GRIN2A: variants seen among roughly 807,000 people sequenced by gnomAD.
GRIN2A encodes the protein glutamate ionotropic receptor NMDA type subunit 2A.
Under a neutral mutation model 113.4 loss-of-function variants are expected in GRIN2A, and 22 were observed. That is an observed-to-expected ratio of 0.19 (90% CI 0.14 to 0.28). The LOEUF (loss-of-function observed/expected upper bound fraction) is 0.28, where lower values mean the gene tolerates loss of function less well. Ranked by LOEUF, GRIN2A falls within the 10% of genes least tolerant of loss-of-function variation. The pLI is 1.00. For missense variants in GRIN2A, 1,502 were observed against 1,887.0 expected (o/e 0.80, Z 3.78); for synonymous variants, 827 against 738.4 (o/e 1.12, Z -1.94).
chr16:10,014,144 G>A (rs2046560298), intron 2 of GRIN2A, among the ~76,000 whole-genome samples: 1 of 152,228 alleles, frequency 6.6e-6, no homozygotes, highest in South Asian at 2.1e-4. Context: ...GGTGAGTTGT[G>A]AGTGAATGTG....
chr16:9,874,067 T>C (rs567014309), intron 4 of GRIN2A, among the ~76,000 whole-genome samples: 13 of 152,226 alleles, frequency 8.5e-5, no homozygotes, highest in Non-Finnish European at 1.9e-4. Flanking sequence ...TAGATTTTTT[T>C]CTCATGGGCA....
At position 9,760,374 on chromosome 16, in the gene GRIN2A, A is replaced by ATTTTTTTTTTTTTTTTTTTTTTTTTTTTT. The variant is rs35189803; in HGVS notation, c.*2774_*2775insAAAAAAAAAAAAAAAAAAAAAAAAAAAAA. The ATTTTTTTTTTTTTTTTTTTTTTTTTTTTT allele has an allele frequency of 2.2e-5, 2 of 89,550 alleles. No individual in the cohort carries two copies. Among genetic ancestry groups the ATTTTTTTTTTTTTTTTTTTTTTTTTTTTT allele is most frequent in the Admixed American group, 1.9e-4 (1 of 5,300 alleles). The allele number at this position is 89,550 out of a possible 1,614,324, so 5.5% of individuals were successfully genotyped here. A position where few individuals can be genotyped will look rare whatever the true frequency, so the allele number is the denominator to read the frequency against. ...AAATTGACCATCTGATCAGTAGTTG[A>ATTTTTTTTTTTTTTTTTTTTTTTTTTTTT]TTTTTTTTTTTTTTTTTTTTTTTTG... On this transcript the variant is annotated 3_prime_UTR_variant, in exon 13 of 13. Transcript: ENST00000330684.
At chr16:9,935,356 T>C (rs545140582) in intron 3 of GRIN2A, among the ~76,000 whole-genome samples, 9 of 152,248 alleles carry the variant, frequency 5.9e-5, no homozygotes, top group Admixed American at 5.9e-4. Flanking sequence ...ATCTGGACAA[T>C]TATTTAAAAT....
intron 10 of GRIN2A, among the ~76,000 whole-genome samples, chr16:9,807,244 GA>G (rs2041990735): frequency 1.9e-5 from 1 of 53,460 alleles, no homozygotes; most frequent in Non-Finnish European, 3.9e-5. Flanking sequence ...GGGAGAGAGG[GA>G]GGGAGGGGAG....
intron 2 of GRIN2A, among the ~76,000 whole-genome samples, chr16:10,074,107 C>A (rs2047820301): frequency 6.6e-6 from 1 of 152,100 alleles, no homozygotes; most frequent in Non-Finnish European, 1.5e-5. Flanking sequence ...TACAAACAGC[C>A]ACTAAGCACA....
chr16:9,837,804 C>G (rs1208245862), intron 7 of GRIN2A, among the ~76,000 whole-genome samples: 1 of 152,170 alleles, frequency 6.6e-6, no homozygotes, highest in Admixed American at 6.5e-5. Flanking sequence ...ATACGAGTAT[C>G]TGAATCCATG....
intron 4 of GRIN2A, among the ~76,000 whole-genome samples, chr16:9,887,141 C>A (rs1311557444): frequency 6.6e-6 from 1 of 152,138 alleles, no homozygotes; most frequent in Admixed American, 6.5e-5. Context: ...ACTGCCTTGG[C>A]CTCCCAAAGT....
At chr16:10,005,262 T>A (rs1246714354) in intron 2 of GRIN2A, among the ~76,000 whole-genome samples, 1 of 152,222 alleles carries the variant, frequency 6.6e-6, no homozygotes, top group African/African-American at 2.4e-5. Flanking sequence ...GATTTAGATA[T>A]CAGAAGCTAC....
chr16:10,139,790 C>T (rs773948189), intron 2 of GRIN2A, among the ~76,000 whole-genome samples: 1 of 152,120 alleles, frequency 6.6e-6, no homozygotes, highest in Non-Finnish European at 1.5e-5. Context: ...GTATCAGGTG[C>T]AGCAAATTCA....
chr16:10,028,191 T>C (rs1371339139), intron 2 of GRIN2A, among the ~76,000 whole-genome samples: 2 of 152,220 alleles, frequency 1.3e-5, no homozygotes, highest in Non-Finnish European at 2.9e-5. Flanking sequence ...GCAGGAACTG[T>C]GATTGTGCCC....
At chr16:10,069,994 C>T (rs556945740) in intron 2 of GRIN2A, among the ~76,000 whole-genome samples, 28 of 152,278 alleles carry the variant, frequency 1.8e-4, no homozygotes, top group South Asian at 2.1e-4. Flanking sequence ...CTTGCCTATC[C>T]ACCCCTCCCT....
intron 2 of GRIN2A, among the ~76,000 whole-genome samples, chr16:10,033,206 A>G (rs1488555789): frequency 6.6e-6 from 1 of 152,248 alleles, no homozygotes; most frequent in Non-Finnish European, 1.5e-5. Context: ...GGAACTCTGC[A>G]GTGAGCAGAG....
chr16:10,094,335 G>T (rs1179283504), intron 2 of GRIN2A, among the ~76,000 whole-genome samples: 1 of 152,182 alleles, frequency 6.6e-6, no homozygotes, highest in Non-Finnish European at 1.5e-5. Flanking sequence ...CTTTGAGCTG[G>T]TCATTCCCTA....
intron 10 of GRIN2A, among the ~76,000 whole-genome samples, chr16:9,815,056 C>G (rs2042160518): frequency 6.6e-6 from 1 of 151,112 alleles, no homozygotes; most frequent in African/African-American, 2.4e-5. Context: ...ATTCCTAAAT[C>G]CCACAGGCTT....
intron 3 of GRIN2A, among the ~76,000 whole-genome samples, chr16:9,936,136 A>G (rs899570416): frequency 6.6e-6 from 1 of 152,354 alleles, no homozygotes; most frequent in South Asian, 2.1e-4. Flanking sequence ...TCTCTAGAAC[A>G]TTGGTCCTCA....
rs2142387516 is a variant in GRIN2A at position 10,180,022 on chromosome 16, G to A, written c.390C>T (p.Gly130=). 24 of 1,613,862 alleles carry A rather than the reference G, an allele frequency of 1.5e-5. No homozygotes were observed. Among genetic ancestry groups the A allele is most frequent in the Non-Finnish European group, 1.9e-5 (23 of 1,179,782 alleles). Residue 130 remains glycine, a synonymous_variant, in exon 2 of 13, where the codon GGC becomes GGT. Transcript: ENST00000330684. The surrounding 1 kb of genome is among the most constrained non-coding windows in gnomAD (Gnocchi z 7.0). The stretch of plus-strand genomic sequence containing the variant: ...CCTTGTCAGCCATGATCATAGATGC[G>A]CCCCCATGAATGCCCAAGATGGGGA... The part of the protein sequence containing the change: ...TFVPILGIHG[G]ASMIMADKDP...
intron 2 of GRIN2A, among the ~76,000 whole-genome samples, chr16:9,984,483 A>G (rs1464678672): frequency 1.3e-5 from 2 of 152,158 alleles, no homozygotes; most frequent in Admixed American, 6.5e-5. Flanking sequence ...TCACAGTTTT[A>G]GGTTTTACAC....
At chr16:10,101,032 C>T (rs890811581) in intron 2 of GRIN2A, among the ~76,000 whole-genome samples, 1 of 152,242 alleles carries the variant, frequency 6.6e-6, no homozygotes. Flanking sequence ...TTCACTTCCG[C>T]TTTTGAGCTG....
chr16:10,050,297 C>A (rs2047334953), intron 2 of GRIN2A, among the ~76,000 whole-genome samples: 1 of 152,154 alleles, frequency 6.6e-6, no homozygotes, highest in South Asian at 2.1e-4. Context: ...AACCCCAAGC[C>A]ACGGACCAGT....
Sources: allele counts gnomAD v4.1 joint callset (sites outside exome capture counted in the v4.1 genomes callset), GRCh38; gene constraint gnomAD v4.1.1; non-coding constraint Gnocchi (gnomAD v3.1); transcripts MANE v1.5; gene names NCBI Gene and HGNC (gene_info 2026-07-23, HGNC 2026-07-21).